The following SESN1 variants were observed in gnomAD, a reference collection of about 807,000 sequenced individuals.
SESN1 encodes the protein sestrin 1, also known as sestrin-1.
SESN1 carries 30 observed loss-of-function variants against 59.3 expected under a neutral mutation model. That is an observed-to-expected ratio of 0.51 (90% CI 0.38 to 0.69). The LOEUF is 0.69. Ranked by LOEUF, SESN1 falls within the 30% of genes least tolerant of loss-of-function variation. SESN1 has a pLI of 0.00. For synonymous variants in SESN1, 197 were observed against 219.9 expected, an observed-to-expected ratio of 0.90 and a Z score of 0.92; for missense variants, 566 against 673.0, an observed-to-expected ratio of 0.84 and a Z score of 1.76.
chr6:109,057,368 G>A (rs1282989886), intron 1 of SESN1, among the ~76,000 whole-genome samples: 1 of 152,178 alleles, frequency 6.6e-6, no homozygotes, highest in Non-Finnish European at 1.5e-5. Context: ...TTCTAAGGAT[G>A]GCAGAGGGCT....
intron 1 of SESN1, among the ~76,000 whole-genome samples, chr6:109,017,486 CATG>C (rs1333208354): frequency 2.6e-5 from 4 of 152,126 alleles, no homozygotes; most frequent in African/African-American, 9.7e-5. Flanking sequence ...GGGGTTTCAC[CATG>C]TTAGCCAGGA....
At chr6:108,994,364 G>A (rs912834924) in intron 6 of SESN1, 98 bp downstream of exon 6, 1 of 953,970 alleles carries the variant, frequency 1.0e-6, no homozygotes, top group African/African-American at 1.7e-5. Flanking sequence ...CTAAAAGGAA[G>A]GACATATTTA....
chr6:109,051,893 A>G (rs1255047814), intron 1 of SESN1, among the ~76,000 whole-genome samples: 1 of 152,140 alleles, frequency 6.6e-6, no homozygotes, highest in Non-Finnish European at 1.5e-5. Flanking sequence ...CTCTTTTATA[A>G]GGACCTTAAT....
chr6:109,019,301 C>T (rs1779972884), intron 1 of SESN1, among the ~76,000 whole-genome samples: 1 of 152,196 alleles, frequency 6.6e-6, no homozygotes, highest in African/African-American at 2.4e-5. Context: ...ACATCACTCA[C>T]CCAAGACTTG....
chr6:109,086,086 C>T (rs1294384999), intron 1 of SESN1, among the ~76,000 whole-genome samples: 2 of 152,174 alleles, frequency 1.3e-5, no homozygotes, highest in South Asian at 2.1e-4. Context: ...AGGCCGGGCA[C>T]GGTGGCTCAC....
chr6:109,080,952 A>C (rs947968493), intron 1 of SESN1, among the ~76,000 whole-genome samples: 8 of 152,184 alleles, frequency 5.3e-5, no homozygotes, highest in African/African-American at 1.7e-4. Flanking sequence ...TTATGTGATA[A>C]GGTATATATA....
chr6:109,009,171 C>G (rs779558344), intron 1 of SESN1, among the ~76,000 whole-genome samples: 5 of 152,228 alleles, frequency 3.3e-5, no homozygotes, highest in African/African-American at 4.8e-5. Context: ...GCAACCCCTT[C>G]CCCCGAGGGG....
At chr6:109,056,941 C>T (rs1343561021) in intron 1 of SESN1, among the ~76,000 whole-genome samples, 1 of 152,190 alleles carries the variant, frequency 6.6e-6, no homozygotes, top group Non-Finnish European at 1.5e-5. Context: ...TCCTCTCCCT[C>T]CCCTGACACA....
rs1781428380 is a variant in SESN1 at position 109,094,371 on chromosome 6, T to C, written c.-298A>G. On this transcript the variant is annotated 5_prime_UTR_variant, in exon 1 of 10. Transcript: ENST00000436639. ...GGCAGAGAATTTCGGGGAAGCGTTC[T>C]CCTCCGTCTCGCGGGGTCAGTGGAT... 2.4e-6 allele frequency: 1 copy of C among 419,140 alleles called. No homozygotes were observed. Among genetic ancestry groups the C allele is most frequent in the East Asian group, 4.8e-5 (1 of 20,892 alleles). The allele number at this position is 419,140 out of a possible 1,614,324, so 26.0% of individuals were successfully genotyped here.
At chr6:109,007,145 T>A (rs1255120604) in intron 1 of SESN1, among the ~76,000 whole-genome samples, 1 of 152,204 alleles carries the variant, frequency 6.6e-6, no homozygotes, top group Non-Finnish European at 1.5e-5. Flanking sequence ...ACTTCTGATG[T>A]TTCCTCAATG....
intron 1 of SESN1, among the ~76,000 whole-genome samples, chr6:109,038,522 C>G (rs1028535387): frequency 6.6e-5 from 10 of 152,136 alleles, no homozygotes; most frequent in African/African-American, 2.4e-4. Context: ...CAACACAAGT[C>G]TTTAGCACCT....
intron 1 of SESN1, among the ~76,000 whole-genome samples, chr6:109,077,651 A>G (rs115831104): frequency 2.0e-3 from 306 of 152,332 alleles, no homozygotes; most frequent in African/African-American, 6.9e-3. Flanking sequence ...CTGGGGTCCA[A>G]GGAAAGAGCA....
At chr6:109,077,290 AC>A in intron 1 of SESN1, among the ~76,000 whole-genome samples, 1 of 152,206 alleles carries the variant, frequency 6.6e-6, no homozygotes, top group South Asian at 2.1e-4. Context: ...AAACAAAAAA[AC>A]CAAAAAACTC....
At chr6:109,054,741 T>G (rs906515542) in intron 1 of SESN1, among the ~76,000 whole-genome samples, 1 of 151,340 alleles carries the variant, frequency 6.6e-6, no homozygotes, top group African/African-American at 2.5e-5. Flanking sequence ...TATGATTTTA[T>G]GAGCTTCTTT....
At chr6:109,076,747 A>G (rs116413932) in intron 1 of SESN1, among the ~76,000 whole-genome samples, 2,728 of 152,322 alleles carry the variant, frequency 0.018, 92 homozygotes, top group African/African-American at 0.063. Context: ...AATGACAGAC[A>G]AACTGAGAAT....
At chr6:109,026,989 G>A (rs1019580895) in intron 1 of SESN1, among the ~76,000 whole-genome samples, 1 of 152,008 alleles carries the variant, frequency 6.6e-6, no homozygotes, top group African/African-American at 2.4e-5. Context: ...GGCCAACACA[G>A]TGAAACCCTG....
In SESN1 at chr6:108,994,029, A is replaced by G. The variant is rs1779448208; in HGVS notation, c.1120+433T>C. Among the ~76,000 whole-genome samples, 12 of 151,762 alleles carry G rather than the reference A, an allele frequency of 7.9e-5. No individual in the cohort carries two copies. The South Asian group carries it at 2.5e-3, about 32-fold the overall frequency. On this transcript the variant is annotated intron_variant, in intron 6 of 9. Transcript: ENST00000436639. ...GTGGCATGTGTCTGTAGTCCTAGCT[A>G]CTCAGGAAGCTGAGGCAGGATGATC...
At chr6:109,004,215 C>CT (rs1374400632) in intron 1 of SESN1, among the ~76,000 whole-genome samples, 2 of 152,050 alleles carry the variant, frequency 1.3e-5, no homozygotes, top group Non-Finnish European at 2.9e-5. Context: ...AGAAAACACT[C>CT]ATGGAGTGCA....
intron 1 of SESN1, among the ~76,000 whole-genome samples, chr6:109,030,985 A>T (rs1452367827): frequency 6.6e-6 from 1 of 152,236 alleles, no homozygotes; most frequent in Non-Finnish European, 1.5e-5. Flanking sequence ...CTTACAATCC[A>T]GTTGATCATA....
Sources: allele counts gnomAD v4.1 joint callset (sites outside exome capture counted in the v4.1 genomes callset), GRCh38; gene constraint gnomAD v4.1.1; transcripts MANE v1.5; gene names NCBI Gene and HGNC (gene_info 2026-07-23, HGNC 2026-07-21).